PDZRN4: variants seen among roughly 807,000 people sequenced by gnomAD.
PDZRN4 encodes PDZ domain containing ring finger 4.
A neutral mutation model predicts 99.0 loss-of-function variants in PDZRN4; 70 were observed. The observed-to-expected ratio is 0.71, with a 90% CI of 0.58 to 0.86. The LOEUF (loss-of-function observed/expected upper bound fraction) is 0.86, where lower values mean the gene tolerates loss of function less well. PDZRN4 is among the 40% of genes least tolerant of loss of function. PDZRN4 has a pLI of 0.00. For missense variants in PDZRN4, 1,474 were observed against 1,331.2 expected (o/e 1.11, Z -1.67); for synonymous variants, 551 against 501.6 (o/e 1.10, Z -1.32).
At position 41,188,360 on chromosome 12, in the gene PDZRN4, C is replaced by T. The variant is rs562189850; in HGVS notation, c.-96C>T. On this transcript the variant is annotated 5_prime_UTR_variant, in exon 1 of 10. Transcript: ENST00000402685. ...CGCCACCTCCCTCCACTGCCGCCGC[C>T]GCGAGACGGCTGCCCCGGGGGTGGC... 5 of 1,240,192 alleles carry T rather than the reference C, an allele frequency of 4.0e-6. No homozygotes were observed. Among genetic ancestry groups the T allele is most frequent in the Admixed American group, 5.8e-5 (2 of 34,326 alleles). 76.8% of individuals were successfully genotyped at this position (1,240,192 alleles called of 1,614,324 possible).
intron 3 of PDZRN4, among the ~76,000 whole-genome samples, chr12:41,434,887 T>C (rs1181378267): frequency 6.6e-6 from 1 of 152,206 alleles, no homozygotes; most frequent in Non-Finnish European, 1.5e-5. Flanking sequence ...AGTGTTCAGA[T>C]GAATGCTTTT....
At chr12:41,322,745 C>T (rs1951688611) in intron 3 of PDZRN4, among the ~76,000 whole-genome samples, 1 of 152,072 alleles carries the variant, frequency 6.6e-6, no homozygotes, top group African/African-American at 2.4e-5. Flanking sequence ...ATCCTCCCGC[C>T]TTGGCCTCCC....
intron 3 of PDZRN4, among the ~76,000 whole-genome samples, chr12:41,276,472 T>G (rs1951350677): frequency 6.6e-6 from 1 of 152,120 alleles, no homozygotes; most frequent in Non-Finnish European, 1.5e-5. Flanking sequence ...TATATTTATA[T>G]GAAATATGAA....
At chr12:41,228,519 T>G (rs899317798) in intron 3 of PDZRN4, among the ~76,000 whole-genome samples, 1 of 152,028 alleles carries the variant, frequency 6.6e-6, no homozygotes, top group African/African-American at 2.4e-5. Flanking sequence ...AAAGGCCTTT[T>G]GCCAAAAAAA....
intron 3 of PDZRN4, chr12:41,477,932 A>AT: frequency 6.8e-7 from 1 of 1,475,738 alleles, no homozygotes; most frequent in East Asian, 2.4e-5. Context: ...TAAGTATGGC[A>AT]TTAAATTTAT....
At chr12:41,509,366 T>C (rs970280105) in intron 4 of PDZRN4, among the ~76,000 whole-genome samples, 18 of 152,146 alleles carry the variant, frequency 1.2e-4, no homozygotes, top group African/African-American at 4.1e-4. Flanking sequence ...CTTTTGAAAA[T>C]GGTTTTCAAA....
At chr12:41,295,982 T>C (rs1951491052) in intron 3 of PDZRN4, among the ~76,000 whole-genome samples, 1 of 152,124 alleles carries the variant, frequency 6.6e-6, no homozygotes, top group Non-Finnish European at 1.5e-5. Flanking sequence ...AAAAATTAAA[T>C]TTTTTGAGGA....
intron 3 of PDZRN4, among the ~76,000 whole-genome samples, chr12:41,452,108 A>G (rs1952779622): frequency 8.7e-6 from 1 of 114,910 alleles, no homozygotes. Context: ...TAGAAGGTGA[A>G]TAAGAGACAA....
chr12:41,261,483 CTGTT>C (rs150951226), intron 3 of PDZRN4, among the ~76,000 whole-genome samples: 5,890 of 152,098 alleles, frequency 0.039, 391 homozygotes, highest in African/African-American at 0.14. Context: ...TTCTATTTCT[CTGTT>C]TGTTTGTTTT....
chr12:41,534,592 A>G (rs1592100759), intron 5 of PDZRN4, among the ~76,000 whole-genome samples: 1 of 152,300 alleles, frequency 6.6e-6, no homozygotes, highest in Admixed American at 6.5e-5. Context: ...AATGGCTTCC[A>G]GCTCCATCCA....
At chr12:41,469,345 C>T (rs2120561672) in intron 3 of PDZRN4, among the ~76,000 whole-genome samples, 1 of 152,290 alleles carries the variant, frequency 6.6e-6, no homozygotes, top group South Asian at 2.1e-4. Flanking sequence ...CAAAGAATTT[C>T]AACTGACCTT....
At chr12:41,476,542 G>A (rs985980608) in intron 3 of PDZRN4, among the ~76,000 whole-genome samples, 1 of 152,154 alleles carries the variant, frequency 6.6e-6, no homozygotes, top group Non-Finnish European at 1.5e-5. Context: ...GTTTTTGCCA[G>A]ACAGAAAGGC....
intron 3 of PDZRN4, among the ~76,000 whole-genome samples, chr12:41,283,538 A>G (rs949498384): frequency 2.6e-5 from 4 of 152,082 alleles, no homozygotes; most frequent in African/African-American, 9.7e-5. Flanking sequence ...TGATATCCCA[A>G]CCTGGCAGAG....
chr12:41,221,686 C>T (rs17129138), intron 3 of PDZRN4, among the ~76,000 whole-genome samples: 4,539 of 152,024 alleles, frequency 0.03, 239 homozygotes, highest in African/African-American at 0.1. Flanking sequence ...AAGCAGTTAG[C>T]GGTCAAATTA....
intron 3 of PDZRN4, among the ~76,000 whole-genome samples, chr12:41,269,676 G>A (rs1431127): frequency 0.77 from 117,173 of 152,060 alleles, 45,290 homozygotes; most frequent in East Asian, 0.86. Context: ...GCCTGCCCAG[G>A]GTTCAAGACT....
At chr12:41,485,532 C>T (rs541847688) in intron 3 of PDZRN4, among the ~76,000 whole-genome samples, 71 of 152,154 alleles carry the variant, frequency 4.7e-4, no homozygotes, top group African/African-American at 1.6e-3. Context: ...TCTCTCTCTT[C>T]CTCTCTCTTT....
intron 3 of PDZRN4, chr12:41,409,628 A>G (rs1952378601): frequency 1.3e-5 from 2 of 152,204 alleles, no homozygotes; most frequent in African/African-American, 4.8e-5. Context: ...TAAGATCCAG[A>G]TATTTAAATA....
chr12:41,541,751 C>A (rs1266700854), intron 5 of PDZRN4, among the ~76,000 whole-genome samples: 2 of 152,184 alleles, frequency 1.3e-5, no homozygotes, highest in Non-Finnish European at 2.9e-5. Context: ...CCACGCCCGG[C>A]CCTTCTAGAC....
At chr12:41,290,951 A>T (rs2120907126) in intron 3 of PDZRN4, among the ~76,000 whole-genome samples, 1 of 152,214 alleles carries the variant, frequency 6.6e-6, no homozygotes, top group Non-Finnish European at 1.5e-5. Context: ...AATTGAACAA[A>T]GCATACATTT....
Sources: gnomAD v4.1 joint callset for allele counts (sites outside exome capture counted in the v4.1 genomes callset) on GRCh38, gnomAD v4.1.1 for gene constraint, MANE v1.5 for transcripts, NCBI Gene and HGNC (gene_info 2026-07-23, HGNC 2026-07-21) for gene names.